GPC6: variants seen among roughly 807,000 people sequenced by gnomAD.
GPC6 encodes the protein glypican-6.
Under a neutral mutation model 55.2 loss-of-function variants are expected in GPC6, and 14 were observed. The ratio of observed to expected loss-of-function variants is 0.25; its 90% CI spans 0.17 to 0.40. The LOEUF (loss-of-function observed/expected upper bound fraction) is 0.40. Ranked by LOEUF, GPC6 falls within the 10% of genes least tolerant of loss-of-function variation. The pLI, the probability that GPC6 is intolerant of heterozygous loss-of-function variation, is 1.00. For synonymous variants in GPC6, 278 were observed against 259.6 expected (o/e 1.07, Z -0.68); for missense variants, 641 against 708.5 (o/e 0.90, Z 1.08).
intron 3 of GPC6, among the ~76,000 whole-genome samples, chr13:94,006,587 G>A (rs1438651596): frequency 6.6e-6 from 1 of 152,178 alleles, no homozygotes; most frequent in Non-Finnish European, 1.5e-5. Flanking sequence ...AGGCAGTCAT[G>A]GGGCTAATCA....
At chr13:93,602,501 A>G (rs1293615256) in intron 2 of GPC6, among the ~76,000 whole-genome samples, 4 of 152,182 alleles carry the variant, frequency 2.6e-5, no homozygotes, top group Admixed American at 1.3e-4. Flanking sequence ...GTTATTTTTC[A>G]GCATATTCTT....
chr13:93,492,515 C>T (rs1468053864), intron 1 of GPC6, among the ~76,000 whole-genome samples: 2 of 149,566 alleles, frequency 1.3e-5, no homozygotes, highest in Non-Finnish European at 3.0e-5. Flanking sequence ...CCCTTTATTT[C>T]CTTCTCCTGC....
intron 8 of GPC6, among the ~76,000 whole-genome samples, chr13:94,400,372 T>A (rs1881073558): frequency 6.6e-6 from 1 of 152,250 alleles, no homozygotes; most frequent in African/African-American, 2.4e-5. Context: ...CCACATTTTT[T>A]AATATTCTAA....
intron 2 of GPC6, among the ~76,000 whole-genome samples, chr13:93,702,977 C>A (rs1882723448): frequency 6.6e-6 from 1 of 151,936 alleles, no homozygotes; most frequent in Admixed American, 6.6e-5. Flanking sequence ...ATTGGAGTAG[C>A]ACTTTTCATT....
intron 6 of GPC6, among the ~76,000 whole-genome samples, chr13:94,312,880 C>A (rs531674802): frequency 6.6e-6 from 1 of 152,338 alleles, no homozygotes; most frequent in South Asian, 2.1e-4. Flanking sequence ...GCCTCCGCTG[C>A]AGCTGAATAA....
chr13:93,368,744 A>G (rs977646509), intron 1 of GPC6, among the ~76,000 whole-genome samples: 2 of 152,022 alleles, frequency 1.3e-5, no homozygotes. Flanking sequence ...TCAGAAAATT[A>G]TTTAGTTAGC....
intron 2 of GPC6, among the ~76,000 whole-genome samples, chr13:93,598,069 G>A (rs578022605): frequency 3.9e-5 from 6 of 152,178 alleles, no homozygotes; most frequent in East Asian, 3.9e-4. Context: ...ACTTGAACCC[G>A]GGAGGCAGAG....
intron 3 of GPC6, among the ~76,000 whole-genome samples, chr13:93,964,350 G>A (rs151076390): frequency 1.3e-5 from 2 of 152,164 alleles, no homozygotes; most frequent in East Asian, 3.9e-4. Context: ...ATTAGTTTAA[G>A]TGTAAAAAAA....
chr13:93,676,119 AAAAAAAAATATATATATAT>A (rs1421631858), intron 2 of GPC6, among the ~76,000 whole-genome samples: 2 of 14,644 alleles, frequency 1.4e-4, no homozygotes, highest in East Asian at 6.7e-4. Flanking sequence ...AAAAAAAAAA[AAAAAAAAATATATATATAT>A]ATATATATAT....
chr13:94,206,464 GT>G (rs1258330290), intron 4 of GPC6, among the ~76,000 whole-genome samples: 2 of 151,838 alleles, frequency 1.3e-5, no homozygotes, highest in Non-Finnish European at 2.9e-5. Flanking sequence ...TTATGGAGGG[GT>G]TTTTTTTGGT....
intron 4 of GPC6, among the ~76,000 whole-genome samples, chr13:94,107,939 G>A (rs1009793087): frequency 6.6e-6 from 1 of 152,020 alleles, no homozygotes; most frequent in Non-Finnish European, 1.5e-5. Context: ...ACTGCTTGTG[G>A]GAATGTAAAC....
intron 4 of GPC6, among the ~76,000 whole-genome samples, chr13:94,101,551 C>T (rs1044293973): frequency 3.3e-5 from 5 of 152,232 alleles, no homozygotes; most frequent in Middle Eastern, 6.8e-3. Context: ...GTGGAACTCC[C>T]TCATAAATGA....
chr13:93,948,569 A>C (rs1879114684), intron 3 of GPC6, among the ~76,000 whole-genome samples: 1 of 152,206 alleles, frequency 6.6e-6, no homozygotes, highest in African/African-American at 2.4e-5. Flanking sequence ...CCTGATACAA[A>C]GTATGTTTTA....
chr13:93,912,558 A>G (rs1218251424), intron 3 of GPC6, among the ~76,000 whole-genome samples: 1 of 152,082 alleles, frequency 6.6e-6, no homozygotes, highest in Non-Finnish European at 1.5e-5. Context: ...CCTGGCTAAC[A>G]CGGTGAAACC....
chr13:93,935,507 T>C (rs777978055), intron 3 of GPC6, among the ~76,000 whole-genome samples: 1 of 152,216 alleles, frequency 6.6e-6, no homozygotes, highest in Non-Finnish European at 1.5e-5. Flanking sequence ...ATCATGATGG[T>C]CACTTAGGTT....
chr13:93,324,643 T>C (rs1385434252), intron 1 of GPC6, among the ~76,000 whole-genome samples: 2 of 147,976 alleles, frequency 1.4e-5, no homozygotes, highest in African/African-American at 4.9e-5. Context: ...CAACAAAATA[T>C]GTACTACTAT....
intron 1 of GPC6, among the ~76,000 whole-genome samples, chr13:93,276,099 C>T (rs984309103): frequency 2.0e-5 from 3 of 152,152 alleles, no homozygotes; most frequent in East Asian, 3.9e-4. Context: ...TGGTTTCGAT[C>T]TCCTGACCTC....
chr13:94,372,852 G>A (rs9516406), intron 6 of GPC6, among the ~76,000 whole-genome samples: 1 of 151,476 alleles, frequency 6.6e-6, no homozygotes, highest in Admixed American at 6.6e-5. Context: ...TCTCCCAGCA[G>A]GCAGCTGGAG....
At chr13:94,357,757 T>G (rs866696369) in intron 6 of GPC6, among the ~76,000 whole-genome samples, 3 of 152,220 alleles carry the variant, frequency 2.0e-5, no homozygotes, top group Non-Finnish European at 4.4e-5. Context: ...GGTCACTGGT[T>G]TCTGCTCTTG....
Sources: gnomAD v4.1 joint callset for allele counts (sites outside exome capture counted in the v4.1 genomes callset) on GRCh38, gnomAD v4.1.1 for gene constraint, MANE v1.5 for transcripts, NCBI Gene and HGNC (gene_info 2026-07-23, HGNC 2026-07-21) for gene names.